COG4: variants seen among roughly 807,000 people sequenced by gnomAD.
COG4 encodes component of oligomeric golgi complex 4.
COG4 carries 65 observed loss-of-function variants against 95.1 expected under a neutral mutation model. That is an observed-to-expected ratio of 0.68 (90% CI 0.56 to 0.84). COG4 has a LOEUF of 0.84. COG4 is among the 40% of genes least tolerant of loss of function. The pLI is 0.00. For synonymous variants in COG4, 421 were observed against 374.8 expected, an observed-to-expected ratio of 1.12 and a Z score of -1.42; for missense variants, 1,045 against 989.1, an observed-to-expected ratio of 1.06 and a Z score of -0.76.
intron 1 of COG4, among the ~76,000 whole-genome samples, chr16:70,520,530 G>A (rs2049919697): frequency 6.6e-6 from 1 of 151,930 alleles, no homozygotes; most frequent in African/African-American, 2.4e-5. Context: ...TACACAGGAG[G>A]CTGAGGTAGG....
At chr16:70,485,578 GT>G (rs1186859804) in intron 13 of COG4, among the ~76,000 whole-genome samples, 4 of 137,560 alleles carry the variant, frequency 2.9e-5, no homozygotes, top group East Asian at 2.1e-4. Context: ...CAAAAATCCT[GT>G]TTTTTTTGTT....
chr16:70,513,182 T>C (rs972167298), intron 4 of COG4, among the ~76,000 whole-genome samples: 16 of 152,336 alleles, frequency 1.1e-4, no homozygotes, highest in Admixed American at 9.1e-4. Flanking sequence ...AAGTAGCATA[T>C]TCCTTGGCAT....
chr16:70,521,575 G>A (rs1027726844), intron 1 of COG4, among the ~76,000 whole-genome samples: 1 of 151,908 alleles, frequency 6.6e-6, no homozygotes, highest in African/African-American at 2.4e-5. Context: ...ACGTCCTCTT[G>A]ACAGTCATGG....
chr16:70,482,338 A>G (rs1328083334), intron 15 of COG4, 163 bp from the exon 16 acceptor site: 11 of 696,878 alleles, frequency 1.6e-5, no homozygotes, highest in Non-Finnish European at 2.9e-5. Flanking sequence ...GGCTGGCAGA[A>G]ACTGACCAGC....
rs8062546 is a variant in COG4 at position 70,489,501 on chromosome 16, G to A, written c.1710+829C>T. Among the ~76,000 whole-genome samples, 809 of 150,448 alleles carry A rather than the reference G, an allele frequency of 5.4e-3. 4 individuals are homozygous for A. Among genetic ancestry groups the A allele is most frequent in the African/African-American group, 0.018 (720 of 40,870 alleles). ...CAAAGTGTTAGGATTACAGGCATGAGCCACCTCACCTGGCCTTGATCCTGA... is the reference window on the plus strand; with the variant it reads ...CAAAGTGTTAGGATTACAGGCATGAACCACCTCACCTGGCCTTGATCCTGA... On this transcript the variant is annotated intron_variant, in intron 13 of 18. Coordinates refer to ENST00000323786, the MANE Select transcript of COG4 (RefSeq NM_015386.3).
At chr16:70,489,293 A>G (rs1886572027) in intron 13 of COG4, among the ~76,000 whole-genome samples, 1 of 147,986 alleles carries the variant, frequency 6.8e-6, no homozygotes, top group African/African-American at 2.5e-5. Context: ...ATCTCGGCTC[A>G]CTGCAACCTC....
In COG4 at chr16:70,523,553, C is replaced by T; in HGVS notation, c.-10G>A. 1.2e-6 allele frequency: 2 copies of T among 1,613,638 alleles called. No individual in the cohort carries two copies. The highest frequency in any genetic ancestry group is 1.7e-6 in the Non-Finnish European group (2 of 1,180,024). On this transcript the variant is annotated 5_prime_UTR_variant, in exon 1 of 19. Coordinates refer to ENST00000323786, the MANE Select transcript of COG4 (RefSeq NM_015386.3). Reference sequence around the variant, plus strand: ...CCATCTTGGTCCCCATTCGGCACTTCCGGTCCCGCGAGGCCCCCTCTTCGT... The same window carrying T: ...CCATCTTGGTCCCCATTCGGCACTTTCGGTCCCGCGAGGCCCCCTCTTCGT...
intron 9 of COG4, among the ~76,000 whole-genome samples, chr16:70,500,028 T>C (rs1407299528): frequency 6.6e-6 from 1 of 151,882 alleles, no homozygotes; most frequent in East Asian, 1.9e-4. Context: ...AGAGATGGGG[T>C]TTCACTATGT....
chr16:70,499,854 G>A (rs934767003), intron 9 of COG4, among the ~76,000 whole-genome samples: 1 of 152,138 alleles, frequency 6.6e-6, no homozygotes, highest in African/African-American at 2.4e-5. Flanking sequence ...TAGAGACGGA[G>A]TTTCACCACG....
At chr16:70,483,011 C>T (rs1167676350) in intron 14 of COG4, among the ~76,000 whole-genome samples, 190 bp from the exon 15 acceptor site, 7 of 115,416 alleles carry the variant, frequency 6.1e-5, no homozygotes, top group Non-Finnish European at 1.1e-4. Context: ...TCTCCCTACC[C>T]CTTCCCTCTC....
At chr16:70,515,499 CA>C (rs2049802815) in intron 3 of COG4, among the ~76,000 whole-genome samples, 1 of 152,116 alleles carries the variant, frequency 6.6e-6, no homozygotes, top group South Asian at 2.1e-4. Flanking sequence ...GCCTGACCAA[CA>C]TGGTGAAACC....
rs547599836 is a variant in COG4 at position 70,481,829 on chromosome 16, C to T, written c.2041G>A (p.Gly681Ser). The change falls in exon 17 of 19, where the codon GGC becomes AGC. Residue 681 changes from glycine to serine, a missense_variant. By Grantham distance (56) the Gly-to-Ser change is moderately conservative (BLOSUM62 0). Coordinates refer to ENST00000323786, the MANE Select transcript of COG4 (RefSeq NM_015386.3). The stretch of plus-strand genomic sequence containing the variant: ...ACGGCAACAAGGCTAGTCATGAGGC[C>T]GGTTAGGCTGTCGTAGATGACCGGG... ...LSPVIYDSLT[G>S]LMTSLVAVEL... The T allele has an allele frequency of 6.6e-5, 107 of 1,613,996 alleles. No individual in the cohort carries two copies. The highest frequency in any genetic ancestry group is 5.8e-4 in the South Asian group (53 of 91,060).
At chr16:70,493,402 A>G (rs183878501) in intron 12 of COG4, among the ~76,000 whole-genome samples, 4 of 152,186 alleles carry the variant, frequency 2.6e-5, no homozygotes, top group Admixed American at 2.0e-4. Flanking sequence ...ACAACTCAGG[A>G]AGTGGATTTT....
rs67706790 is a variant in COG4 at position 70,503,595 on chromosome 16, C to CTTTTTTTTTT, written c.1062-2514_1062-2505dup. On this transcript the variant is annotated intron_variant, in intron 8 of 18. Coordinates refer to ENST00000323786, the MANE Select transcript of COG4 (RefSeq NM_015386.3). ...CCTCACATCTTAACTCCTACTTACT[C>CTTTTTTTTTT]TTTTTTTTTTTTTTTTTGAGACGGA... Among the ~76,000 whole-genome samples, 46 of 125,692 alleles carry CTTTTTTTTTT rather than the reference C, an allele frequency of 3.7e-4. 2 individuals carry two copies. The highest frequency in any genetic ancestry group is 2.0e-3 in the African/African-American group (44 of 21,770). The allele number at this position is 125,692 out of a possible 152,430, so 82.5% of individuals were successfully genotyped here. A position where few individuals can be genotyped will look rare whatever the true frequency, so the allele number is the denominator to read the frequency against.
chr16:70,482,655 G>T, intron 15 of COG4, 74 bp downstream of exon 15: 1 of 1,212,352 alleles, frequency 8.2e-7, no homozygotes, highest in Non-Finnish European at 1.2e-6. Context: ...CTGTTCAGAT[G>T]GCTCTGCTCC....
At position 70,505,197 on chromosome 16, in the gene COG4, C is replaced by CTT. The variant is rs767606425; in HGVS notation, c.1061+3207_1061+3208dup. On this transcript the variant is annotated intron_variant, in intron 8 of 18. Coordinates refer to ENST00000323786, the MANE Select transcript of COG4 (RefSeq NM_015386.3). ...TGAATATATTTTACGTTTGGATTTT[C>CTT]TTTTTTTTTTTTTTTTTTGAGACAG... Among the ~76,000 whole-genome samples, 119 of 122,628 alleles carry CTT rather than the reference C, an allele frequency of 9.7e-4. 1 individual carries two copies. The highest frequency in any genetic ancestry group is 3.1e-3 in the African/African-American group (93 of 30,376). The allele number at this position is 122,628 out of a possible 152,430, so 80.4% of individuals were successfully genotyped here. A position where few individuals can be genotyped will look rare whatever the true frequency, so the allele number is the denominator to read the frequency against.
intron 8 of COG4, among the ~76,000 whole-genome samples, chr16:70,504,532 G>A (rs544391826): frequency 6.9e-4 from 104 of 151,330 alleles, no homozygotes; most frequent in Non-Finnish European, 1.3e-3. Context: ...GCTTGATCCT[G>A]GGAGGCGGAG....
intron 16 of COG4, 21 bp downstream of exon 16, chr16:70,482,071 A>G: frequency 6.3e-7 from 1 of 1,593,690 alleles, no homozygotes; most frequent in South Asian, 1.1e-5. Flanking sequence ...CCCTAAGTGG[A>G]TCCCTAGGGC....
At chr16:70,489,789 G>A (rs1483106941) in intron 13 of COG4, among the ~76,000 whole-genome samples, 1 of 152,024 alleles carries the variant, frequency 6.6e-6, no homozygotes, top group Non-Finnish European at 1.5e-5. Flanking sequence ...ACTTGTCCAA[G>A]GTCACACGCC....
Sources: allele counts gnomAD v4.1 joint callset (sites outside exome capture counted in the v4.1 genomes callset), GRCh38; gene constraint gnomAD v4.1.1; transcripts MANE v1.5; gene names NCBI Gene and HGNC (gene_info 2026-07-23, HGNC 2026-07-21).